The following VSTM4 variants were observed in gnomAD, a reference collection of about 807,000 sequenced individuals.
The protein encoded by VSTM4 is V-set and transmembrane domain containing 4.
In VSTM4, 20 loss-of-function variants were observed where a neutral mutation model predicts 36.4. The ratio of observed to expected loss-of-function variants is 0.55; its 90% CI spans 0.39 to 0.80. The LOEUF (loss-of-function observed/expected upper bound fraction) is 0.80. VSTM4 is among the 30% of genes least tolerant of loss of function. The pLI, the probability that VSTM4 is intolerant of heterozygous loss-of-function variation, is 0.00. For synonymous variants in VSTM4, 182 were observed against 173.9 expected (o/e 1.05, Z -0.37); for missense variants, 392 against 404.5 (o/e 0.97, Z 0.26).
Position 49,112,602 on chromosome 10 carries a change from A to T in VSTM4, c.55+2829T>A, listed in dbSNP as rs557774681. On this transcript the variant is annotated intron_variant, in intron 1 of 7. Coordinates refer to ENST00000332853, the MANE Select transcript of VSTM4 (RefSeq NM_001031746.5). ...GGAGGTGGGAGCAATAGAAAGTGAC[A>T]TGCACACTGTCCTGTGAGTACAGTG... Among the ~76,000 whole-genome samples the T allele has an allele frequency of 1.2e-4, 18 of 152,360 alleles. No homozygotes were observed. The South Asian group carries it at 3.7e-3, about 32-fold the overall frequency.
At chr10:49,115,370 T>C (rs1590146924) in intron 1 of VSTM4, 61 bp downstream of exon 1, 2 of 973,432 alleles carry the variant, frequency 2.1e-6, no homozygotes, top group Non-Finnish European at 1.2e-6. Context: ...AGCCCCGGCC[T>C]CCCCGGCGCG....
chr10:49,046,960 G>A, intron 7 of VSTM4, 23 bp downstream of exon 7: 1 of 1,610,378 alleles, frequency 6.2e-7, no homozygotes, highest in Non-Finnish European at 8.5e-7. Flanking sequence ...GGTATGATAG[G>A]AATACAGAAG....
At chr10:49,030,361 C>A (rs955879929) in intron 7 of VSTM4, among the ~76,000 whole-genome samples, 2 of 152,126 alleles carry the variant, frequency 1.3e-5, no homozygotes, top group Non-Finnish European at 2.9e-5. Flanking sequence ...GTGCCTTGAC[C>A]CAGGGTCCAG....
intron 5 of VSTM4, among the ~76,000 whole-genome samples, chr10:49,051,482 G>A (rs1474327441): frequency 3.4e-5 from 5 of 146,674 alleles, no homozygotes; most frequent in African/African-American, 1.3e-4. Context: ...TGCAACCTCC[G>A]CCTCCCGGGT....
At chr10:49,054,916 T>C (rs1843753046) in intron 5 of VSTM4, among the ~76,000 whole-genome samples, 1 of 143,574 alleles carries the variant, frequency 7.0e-6, no homozygotes, top group African/African-American at 2.8e-5. Context: ...ATCTCAAAGA[T>C]GCTGGGTGCT....
chr10:49,052,829 G>A (rs1477141285), intron 5 of VSTM4, among the ~76,000 whole-genome samples: 2 of 152,010 alleles, frequency 1.3e-5, no homozygotes, highest in Admixed American at 6.6e-5. Flanking sequence ...CCTTAAGGTG[G>A]AGAACACCTG....
chr10:49,058,101 C>T (rs1380913814), intron 5 of VSTM4, among the ~76,000 whole-genome samples: 1 of 152,192 alleles, frequency 6.6e-6, no homozygotes, highest in Non-Finnish European at 1.5e-5. Context: ...CTGCAGCCAT[C>T]CTCAGCTTCC....
chr10:49,073,838 C>A (rs901549603), intron 4 of VSTM4, among the ~76,000 whole-genome samples: 6 of 152,228 alleles, frequency 3.9e-5, no homozygotes, highest in Non-Finnish European at 7.3e-5. Context: ...GAAACCCATT[C>A]ATGAGAGCCT....
chr10:49,033,861 G>A (rs866417922), intron 7 of VSTM4, among the ~76,000 whole-genome samples: 5 of 152,014 alleles, frequency 3.3e-5, no homozygotes, highest in South Asian at 2.1e-4. Context: ...GCCATGGAAG[G>A]GTGAGCATTA....
At chr10:49,031,685 T>C (rs2131941059) in intron 7 of VSTM4, among the ~76,000 whole-genome samples, 1 of 152,334 alleles carries the variant, frequency 6.6e-6, no homozygotes, top group South Asian at 2.1e-4. Flanking sequence ...ACCATGCCAC[T>C]CACTGCCCTG....
chr10:49,087,802 C>G (rs777339473), intron 2 of VSTM4, among the ~76,000 whole-genome samples: 2 of 151,718 alleles, frequency 1.3e-5, no homozygotes, highest in African/African-American at 2.4e-5. Flanking sequence ...AGCAATTGGG[C>G]TCACTTTGCT....
chr10:49,088,391 T>C (rs1347709930), intron 2 of VSTM4, among the ~76,000 whole-genome samples: 1 of 152,190 alleles, frequency 6.6e-6, no homozygotes, highest in Non-Finnish European at 1.5e-5. Flanking sequence ...CTAAGATACA[T>C]CAGACAATTT....
intron 4 of VSTM4, among the ~76,000 whole-genome samples, chr10:49,071,416 C>T (rs985517573): frequency 6.6e-6 from 1 of 152,210 alleles, no homozygotes; most frequent in Non-Finnish European, 1.5e-5. Context: ...GGATGAGGTG[C>T]CTGGCACTGC....
intron 3 of VSTM4, 26 bp downstream of exon 3, chr10:49,085,929 A>T (rs556174565): frequency 7.1e-5 from 102 of 1,442,462 alleles, no homozygotes; most frequent in Middle Eastern, 5.8e-4. Flanking sequence ...ATAGAGCAAT[A>T]AAAAAAAGAA....
chr10:49,066,633 A>C (rs1843978909), intron 4 of VSTM4, among the ~76,000 whole-genome samples: 1 of 152,210 alleles, frequency 6.6e-6, no homozygotes, highest in African/African-American at 2.4e-5. Context: ...GGGTATATGA[A>C]GTAAAAATAA....
In VSTM4 at chr10:49,115,044, C is replaced by A. The variant is rs1844966214; in HGVS notation, c.55+387G>T. ...GAAGAGAGTGAAAGGGAAGTTGCTG[C>A]TCCGAGGAATCTGCCAAGAGCTGTG... On this transcript the variant is annotated intron_variant, in intron 1 of 7. Coordinates refer to ENST00000332853, the MANE Select transcript of VSTM4 (RefSeq NM_001031746.5). Among the ~76,000 whole-genome samples, 4 of 152,294 alleles carry A rather than the reference C, an allele frequency of 2.6e-5. 1 individual carries two copies. The South Asian group carries it at 8.3e-4, about 32-fold the overall frequency.
chr10:49,088,833 T>C (rs1844421071), intron 2 of VSTM4, among the ~76,000 whole-genome samples: 1 of 152,222 alleles, frequency 6.6e-6, no homozygotes, highest in Non-Finnish European at 1.5e-5. Flanking sequence ...AATACACATA[T>C]ATCTTCAAGG....
chr10:49,094,922 A>G (rs1161106496), intron 2 of VSTM4, among the ~76,000 whole-genome samples: 1 of 152,152 alleles, frequency 6.6e-6, no homozygotes, highest in East Asian at 1.9e-4. Flanking sequence ...TGGGGCTCAA[A>G]TAAAGCCATA....
intron 7 of VSTM4, among the ~76,000 whole-genome samples, chr10:49,039,150 G>A (rs1843479557): frequency 1.3e-5 from 2 of 152,108 alleles, no homozygotes; most frequent in African/African-American, 4.8e-5. Context: ...AGGGGAGGAG[G>A]CCTCAAAAAG....
Sources: gnomAD v4.1 joint callset for allele counts (sites outside exome capture counted in the v4.1 genomes callset) on GRCh38, gnomAD v4.1.1 for gene constraint, MANE v1.5 for transcripts, NCBI Gene and HGNC (gene_info 2026-07-23, HGNC 2026-07-21) for gene names.